Variants in MAML3 observed in about 807,000 individuals in gnomAD.
MAML3 encodes the protein mastermind-like protein 3.
A neutral mutation model predicts 101.9 loss-of-function variants in MAML3; 27 were observed. That is an observed-to-expected ratio of 0.27 (90% confidence interval 0.20 to 0.37). The LOEUF is 0.37. Among genes scored for constraint, MAML3 ranks in the 10% least tolerant of loss-of-function variants. The pLI, the probability that MAML3 is intolerant of heterozygous loss-of-function variation, is 1.00. For synonymous variants in MAML3, 501 were observed against 555.9 expected (o/e 0.90, Z 1.39); for missense variants, 1,316 against 1,444.9 (o/e 0.91, Z 1.45).
chr4:139,890,094 C>A lies in MAML3; in HGVS notation c.1342G>T (p.Ala448Ser), dbSNP rs1370351905. 6.2e-7 allele frequency: 1 copy of A among 1,613,608 alleles called. No homozygotes were observed. Among genetic ancestry groups the A allele is most frequent in the South Asian group, 1.1e-5 (1 of 91,068 alleles). The part of the protein sequence containing the change: ...YLLNPAAVTV[A>S]GSASGPVAVP... Reference sequence around the variant, plus strand: ...GCCACAGGCCCTGACGCTGAACCGGCCACTGTCACTGCTGCCGGATTCAGG... The same window carrying A: ...GCCACAGGCCCTGACGCTGAACCGGACACTGTCACTGCTGCCGGATTCAGG... Residue 448 changes from alanine (A) to serine (S), a missense_variant, in exon 2 of 5, where the codon GCC (alanine) becomes TCC (serine). By Grantham distance (99) the Ala-to-Ser change is moderately conservative (BLOSUM62 1). Coordinates refer to ENST00000509479, the MANE Select transcript of MAML3 (RefSeq NM_018717.5). This position sits in a 1 kb window ranked among gnomAD's most constrained non-coding sequence, Gnocchi z 4.1.
At chr4:139,721,141 C>T (rs984647989) in intron 4 of MAML3, among the ~76,000 whole-genome samples, 4 of 152,226 alleles carry the variant, frequency 2.6e-5, no homozygotes, top group South Asian at 2.1e-4. Flanking sequence ...AAATCGGCAA[C>T]GACTATTTCT....
intron 2 of MAML3, among the ~76,000 whole-genome samples, chr4:139,765,826 TA>T (rs1033373471): frequency 6.6e-6 from 1 of 151,460 alleles, no homozygotes; most frequent in Non-Finnish European, 1.5e-5. Flanking sequence ...GCACTAAAAA[TA>T]AAAAAAATAA....
At chr4:140,089,275 C>T (rs986038251) in intron 1 of MAML3, among the ~76,000 whole-genome samples, 19 of 152,064 alleles carry the variant, frequency 1.2e-4, no homozygotes, top group Non-Finnish European at 2.4e-4. Context: ...ATAAGTAAGG[C>T]AAGGCTTAGT....
intron 1 of MAML3, among the ~76,000 whole-genome samples, chr4:139,912,486 T>C (rs1732942734): frequency 6.6e-6 from 1 of 152,204 alleles, no homozygotes; most frequent in South Asian, 2.1e-4. Context: ...GTGGGTTAAA[T>C]TGCGTCCTCC....
At chr4:139,865,303 C>T (rs533582849) in intron 2 of MAML3, among the ~76,000 whole-genome samples, 2 of 152,114 alleles carry the variant, frequency 1.3e-5, no homozygotes, top group South Asian at 4.1e-4. Context: ...AATGTTTCTT[C>T]TTGAATGGTT....
intron 1 of MAML3, among the ~76,000 whole-genome samples, chr4:140,046,966 A>G (rs923935605): frequency 7.9e-5 from 12 of 152,274 alleles, no homozygotes; most frequent in Admixed American, 7.8e-4. Context: ...AACAGTAAAG[A>G]CAACTCTAAG....
intron 1 of MAML3, among the ~76,000 whole-genome samples, chr4:140,091,139 A>T (rs1334733572): frequency 6.6e-6 from 1 of 152,224 alleles, no homozygotes; most frequent in African/African-American, 2.4e-5. Context: ...AAAAGCCAGC[A>T]TCTCCATCTC....
intron 2 of MAML3, among the ~76,000 whole-genome samples, chr4:139,783,616 G>A (rs532357092): frequency 2.0e-5 from 3 of 152,274 alleles, no homozygotes; most frequent in East Asian, 1.9e-4. Context: ...ATCAATACCC[G>A]CTTCTTTAAC....
chr4:139,784,112 A>C (rs1373231934), intron 2 of MAML3, among the ~76,000 whole-genome samples: 1 of 152,118 alleles, frequency 6.6e-6, no homozygotes, highest in African/African-American at 2.4e-5. Flanking sequence ...AGAAGAAAGG[A>C]CCCTTGGTTC....
At chr4:139,728,932 C>A (rs548122456) in intron 3 of MAML3, among the ~76,000 whole-genome samples, 29 of 152,280 alleles carry the variant, frequency 1.9e-4, no homozygotes, top group Non-Finnish European at 1.9e-4. Context: ...CTCAAAACAT[C>A]AGGCACACCT....
chr4:139,757,106 C>A (rs1449218789), intron 2 of MAML3, among the ~76,000 whole-genome samples: 2 of 152,124 alleles, frequency 1.3e-5, no homozygotes, highest in Non-Finnish European at 1.5e-5. Context: ...GGGGATCATC[C>A]TAGACTCTTC....
intron 1 of MAML3, among the ~76,000 whole-genome samples, chr4:140,024,923 T>A (rs1178848157): frequency 6.6e-6 from 1 of 152,134 alleles, no homozygotes; most frequent in Non-Finnish European, 1.5e-5. Flanking sequence ...ATCCAAAATA[T>A]TCTGAAAAAA....
chr4:139,936,595 G>A (rs1560842016), intron 1 of MAML3, among the ~76,000 whole-genome samples: 1 of 152,066 alleles, frequency 6.6e-6, no homozygotes, highest in African/African-American at 2.4e-5. Context: ...TACTTGGAAG[G>A]CCGAGGCAGG....
chr4:139,895,100 T>C (rs1171345486), intron 1 of MAML3, among the ~76,000 whole-genome samples: 4 of 152,172 alleles, frequency 2.6e-5, no homozygotes, highest in Admixed American at 6.5e-5. Flanking sequence ...GCCAAGACCA[T>C]ACAGTCAGGC....
At chr4:139,936,981 A>G (rs1288024265) in intron 1 of MAML3, among the ~76,000 whole-genome samples, 1 of 152,188 alleles carries the variant, frequency 6.6e-6, no homozygotes, top group Non-Finnish European at 1.5e-5. Context: ...GGGAGAGTCA[A>G]GTTTCTACCC....
At chr4:139,759,599 C>A (rs1044164984) in intron 2 of MAML3, among the ~76,000 whole-genome samples, 1 of 151,314 alleles carries the variant, frequency 6.6e-6, no homozygotes, top group Non-Finnish European at 1.5e-5. Context: ...ATTAAAAGAA[C>A]TGCAGATGTT....
At chr4:140,060,487 T>C (rs942856296) in intron 1 of MAML3, among the ~76,000 whole-genome samples, 1 of 151,846 alleles carries the variant, frequency 6.6e-6, no homozygotes, top group Non-Finnish European at 1.5e-5. Flanking sequence ...AGTAACACAG[T>C]TCTGAAAAAC....
At chr4:140,074,109 C>T (rs946496392) in intron 1 of MAML3, among the ~76,000 whole-genome samples, 11 of 142,630 alleles carry the variant, frequency 7.7e-5, no homozygotes, top group Admixed American at 3.6e-4. Flanking sequence ...TCCAGCCTGG[C>T]GAGAGAGTGA....
chr4:140,000,594 C>G (rs1734905291), intron 1 of MAML3, among the ~76,000 whole-genome samples: 1 of 152,172 alleles, frequency 6.6e-6, no homozygotes, highest in Admixed American at 6.6e-5. Context: ...GGCCAGTTAC[C>G]CAAACCTTTA....
Sources: gnomAD v4.1 joint callset for allele counts (sites outside exome capture counted in the v4.1 genomes callset) on GRCh38, gnomAD v4.1.1 for gene constraint, Gnocchi (gnomAD v3.1) non-coding constraint, MANE v1.5 for transcripts, NCBI Gene and HGNC (gene_info 2026-07-23, HGNC 2026-07-21) for gene names.